RBFOX1: variants seen among roughly 807,000 people sequenced by gnomAD.
RBFOX1 encodes the protein RNA binding fox-1 homolog 1.
A neutral mutation model predicts 57.7 loss-of-function variants in RBFOX1; 8 were observed. That is an observed-to-expected ratio of 0.14 (90% CI 0.08 to 0.25). RBFOX1 has a LOEUF of 0.25. Ranked by LOEUF, RBFOX1 falls within the 10% of genes least tolerant of loss-of-function variation. The pLI, the probability that RBFOX1 is intolerant of heterozygous loss-of-function variation, is 1.00. For synonymous variants in RBFOX1, 326 were observed against 222.4 expected, an observed-to-expected ratio of 1.47 and a Z score of -4.15; for missense variants, 611 against 548.5, an observed-to-expected ratio of 1.11 and a Z score of -1.14.
chr16:6,888,357 C>G (rs924727250), intron 3 of RBFOX1, among the ~76,000 whole-genome samples: 2 of 151,890 alleles, frequency 1.3e-5, no homozygotes, highest in Non-Finnish European at 2.9e-5. Flanking sequence ...TGTTTGAAAA[C>G]TTTTTCGTTT....
At position 5,856,575 on chromosome 16, in the gene RBFOX1, G is replaced by GTATATATATATA. The variant is rs375112636; in HGVS notation, c.319-10709_319-10698dup. Among the ~76,000 whole-genome samples the GTATATATATATA allele has an allele frequency of 3.8e-3, 126 of 32,908 alleles. 6 individuals are homozygous for GTATATATATATA. Among genetic ancestry groups the GTATATATATATA allele is most frequent in the African/African-American group, 0.012 (95 of 7,958 alleles). The allele number at this position is 32,908 out of a possible 152,430, so 21.6% of individuals were successfully genotyped here. A position where few individuals can be genotyped will look rare whatever the true frequency, so the allele number is the denominator to read the frequency against. ...TGTGTGTGTGTGTATGTGTGTGTGT[G>GTATATATATATA]TATATATATATATATATATATATAT... is the stretch of plus-strand genomic sequence containing the variant. On this transcript the variant is annotated intron_variant, in intron 3 of 19. Coordinates refer to the RBFOX1 transcript ENST00000641259.
chr16:5,997,588 T>A (rs536615195), intron 4 of RBFOX1, among the ~76,000 whole-genome samples: 1 of 152,328 alleles, frequency 6.6e-6, no homozygotes, highest in Non-Finnish European at 1.5e-5. Context: ...TCTAGAGCGA[T>A]TAGGCACTCA....
chr16:5,257,026 C>A (rs901726270), intron 1 of RBFOX1, among the ~76,000 whole-genome samples: 2 of 152,046 alleles, frequency 1.3e-5, no homozygotes, highest in Admixed American at 1.3e-4. Flanking sequence ...ATTTTACACA[C>A]AGGGAAATCT....
intron 2 of RBFOX1, among the ~76,000 whole-genome samples, chr16:6,519,596 G>A (rs542482050): frequency 6.6e-6 from 1 of 152,240 alleles, no homozygotes; most frequent in Admixed American, 6.5e-5. Flanking sequence ...AGCTACTCAG[G>A]AGGCTGAGGC....
chr16:6,738,480 A>G (rs1027213455), intron 3 of RBFOX1, among the ~76,000 whole-genome samples: 1 of 152,178 alleles, frequency 6.6e-6, no homozygotes, highest in Non-Finnish European at 1.5e-5. Context: ...GAGCTGTAAA[A>G]TCTGTGAAGC....
chr16:5,403,463 A>G (rs1473561613), intron 1 of RBFOX1, among the ~76,000 whole-genome samples: 2 of 151,484 alleles, frequency 1.3e-5, no homozygotes, highest in Non-Finnish European at 2.9e-5. Flanking sequence ...TTGTTTTTTG[A>G]GACGGAGTGT....
intron 4 of RBFOX1, among the ~76,000 whole-genome samples, chr16:7,096,469 G>T (rs1259571765): frequency 5.3e-5 from 8 of 152,138 alleles, no homozygotes. Flanking sequence ...CCTGGTGGGT[G>T]GACCACACTC....
At chr16:6,379,430 A>G (rs947869487) in intron 2 of RBFOX1, among the ~76,000 whole-genome samples, 7 of 152,138 alleles carry the variant, frequency 4.6e-5, no homozygotes, top group African/African-American at 1.7e-4. Context: ...TTTCACTTTC[A>G]CTTGTCTCAG....
chr16:7,676,664 C>G (rs1463706796), intron 13 of RBFOX1, 110 bp from the exon 14 acceptor site: 4 of 942,706 alleles, frequency 4.2e-6, no homozygotes, highest in African/African-American at 3.2e-5. Flanking sequence ...TTAACCTCAA[C>G]TTTAGCTCAG....
At chr16:5,867,307 C>T (rs760986330) in exon 4 of RBFOX1, 42 of 1,208,686 alleles carry the variant, frequency 3.5e-5, no homozygotes, top group Non-Finnish European at 3.9e-5. Context: ...TTGCAGGTTT[C>T]GGCAAGTCAG....
At chr16:6,635,222 T>C (rs1012075412) in intron 2 of RBFOX1, among the ~76,000 whole-genome samples, 2 of 150,228 alleles carry the variant, frequency 1.3e-5, no homozygotes, top group Non-Finnish European at 3.0e-5. Flanking sequence ...ATTTAAAATA[T>C]ATAATACTTT....
chr16:5,572,776 C>A (rs1003478220), intron 2 of RBFOX1, among the ~76,000 whole-genome samples: 1 of 152,104 alleles, frequency 6.6e-6, no homozygotes, highest in Non-Finnish European at 1.5e-5. Context: ...AGGGAATGTA[C>A]TCTGTGGATA....
At chr16:7,064,881 C>T (rs1352443249) in intron 4 of RBFOX1, among the ~76,000 whole-genome samples, 1 of 152,178 alleles carries the variant, frequency 6.6e-6, no homozygotes, top group Non-Finnish European at 1.5e-5. Context: ...TTTAAACTAG[C>T]TGTGGTATGA....
At chr16:6,928,219 C>G (rs561528953) in intron 3 of RBFOX1, among the ~76,000 whole-genome samples, 1 of 152,232 alleles carries the variant, frequency 6.6e-6, no homozygotes, top group African/African-American at 2.4e-5. Context: ...GGTACTGCCC[C>G]CGAAGATTCT....
intron 2 of RBFOX1, among the ~76,000 whole-genome samples, chr16:6,580,833 C>G (rs748562489): frequency 6.6e-6 from 1 of 151,678 alleles, no homozygotes; most frequent in Non-Finnish European, 1.5e-5. Flanking sequence ...ACCCTCAAAA[C>G]ATGTCAAGTG....
chr16:6,805,754 C>G (rs12444225), intron 3 of RBFOX1, among the ~76,000 whole-genome samples: 38,922 of 152,058 alleles, frequency 0.26, 5,467 homozygotes, highest in Non-Finnish European at 0.32. Flanking sequence ...GTTTTTCCCT[C>G]CACTGTAAAG....
chr16:6,429,066 C>T (rs529801831), intron 2 of RBFOX1, among the ~76,000 whole-genome samples: 4 of 152,316 alleles, frequency 2.6e-5, no homozygotes, highest in South Asian at 2.1e-4. Flanking sequence ...GCCCCTCCCA[C>T]TGATTAGGCA....
At chr16:6,795,120 C>G (rs761676078) in intron 3 of RBFOX1, among the ~76,000 whole-genome samples, 1 of 152,130 alleles carries the variant, frequency 6.6e-6, no homozygotes, top group African/African-American at 2.4e-5. Flanking sequence ...TATCTACTTT[C>G]CTCCTCAGAA....
At chr16:7,247,326 C>G (rs942540260) in intron 4 of RBFOX1, among the ~76,000 whole-genome samples, 2 of 152,160 alleles carry the variant, frequency 1.3e-5, no homozygotes, top group South Asian at 2.1e-4. Context: ...CAGACACACC[C>G]GCAGTGGAGG....
Sources: gnomAD v4.1 joint callset for allele counts (sites outside exome capture counted in the v4.1 genomes callset) on GRCh38, gnomAD v4.1.1 for gene constraint, MANE v1.5 for transcripts, NCBI Gene and HGNC (gene_info 2026-07-23, HGNC 2026-07-21) for gene names.